LRRC4C: variants seen among roughly 807,000 people sequenced by gnomAD.
LRRC4C encodes the protein leucine-rich repeat-containing protein 4C.
A neutral mutation model predicts 33.6 loss-of-function variants in LRRC4C; 5 were observed. That is an observed-to-expected ratio of 0.15 (90% CI 0.08 to 0.31). The LOEUF (loss-of-function observed/expected upper bound fraction) is 0.31. Ranked by LOEUF, LRRC4C falls within the 10% of genes least tolerant of loss-of-function variation. The probability of loss-of-function intolerance (pLI) is 1.00; values close to 1 mark genes in which losing one functional copy is unlikely to be tolerated. For synonymous variants in LRRC4C, 329 were observed against 302.0 expected, an observed-to-expected ratio of 1.09 and a Z score of -0.93; for missense variants, 560 against 796.7, an observed-to-expected ratio of 0.70 and a Z score of 3.58.
chr11:40,145,401 G>T (rs1434431290), intron 5 of LRRC4C, among the ~76,000 whole-genome samples: 1 of 152,072 alleles, frequency 6.6e-6, no homozygotes, highest in African/African-American at 2.4e-5. Context: ...ATCCTTTTCA[G>T]CTTAGGTCTA....
At chr11:41,295,102 TA>T (rs2137035444) in intron 1 of LRRC4C, among the ~76,000 whole-genome samples, 1 of 152,306 alleles carries the variant, frequency 6.6e-6, no homozygotes, top group Non-Finnish European at 1.5e-5. Context: ...CATGAGAAAC[TA>T]ATTCAAAGAG....
At chr11:40,300,206 T>C (rs908373814) in intron 4 of LRRC4C, among the ~76,000 whole-genome samples, 1 of 152,158 alleles carries the variant, frequency 6.6e-6, no homozygotes. Flanking sequence ...AAACCATTCA[T>C]GAGAAATCTG....
intron 2 of LRRC4C, among the ~76,000 whole-genome samples, chr11:40,712,950 G>A (rs1322215514): frequency 6.6e-6 from 1 of 151,166 alleles, no homozygotes; most frequent in African/African-American, 2.4e-5. Context: ...GTGCAGTGGT[G>A]TGATCTTGGT....
At chr11:40,772,680 T>A (rs1336964607) in intron 2 of LRRC4C, among the ~76,000 whole-genome samples, 1 of 152,184 alleles carries the variant, frequency 6.6e-6, no homozygotes, top group African/African-American at 2.4e-5. Flanking sequence ...AAATGGCTTT[T>A]ATCCAAAACA....
At chr11:41,225,435 C>T (rs1947487359) in intron 1 of LRRC4C, among the ~76,000 whole-genome samples, 1 of 151,826 alleles carries the variant, frequency 6.6e-6, no homozygotes, top group Non-Finnish European at 1.5e-5. Flanking sequence ...TTCTATATGC[C>T]CACAAAAATT....
chr11:40,711,493 G>A (rs1223897366), intron 2 of LRRC4C, among the ~76,000 whole-genome samples: 1 of 152,100 alleles, frequency 6.6e-6, no homozygotes, highest in African/African-American at 2.4e-5. Context: ...TCAGGTTATG[G>A]TAGAGAGACT....
intron 1 of LRRC4C, among the ~76,000 whole-genome samples, chr11:41,354,373 A>C (rs1952086195): frequency 6.6e-6 from 1 of 152,182 alleles, no homozygotes; most frequent in East Asian, 1.9e-4. Context: ...GAAATCAGAG[A>C]TGACACAAAC....
chr11:40,185,708 G>A (rs1279898906), intron 5 of LRRC4C, among the ~76,000 whole-genome samples: 3 of 152,264 alleles, frequency 2.0e-5, no homozygotes, highest in Admixed American at 6.5e-5. Context: ...GAAAGAGCAC[G>A]AGAGGGGTGA....
At chr11:41,274,652 G>A (rs947277296) in intron 1 of LRRC4C, among the ~76,000 whole-genome samples, 4 of 152,010 alleles carry the variant, frequency 2.6e-5, no homozygotes, top group African/African-American at 9.7e-5. Flanking sequence ...ACAAATACGG[G>A]AATAAAAGCT....
chr11:40,772,401 A>G (rs1949795865), intron 2 of LRRC4C, among the ~76,000 whole-genome samples: 2 of 152,188 alleles, frequency 1.3e-5, no homozygotes, highest in Admixed American at 6.5e-5. Flanking sequence ...ACAATTCAAG[A>G]TGAGATTTGG....
intron 2 of LRRC4C, among the ~76,000 whole-genome samples, chr11:40,786,975 A>G (rs950915891): frequency 1.3e-5 from 2 of 152,132 alleles, no homozygotes; most frequent in Non-Finnish European, 2.9e-5. Context: ...AATCCTCAAT[A>G]TTTCTCTTAT....
At chr11:40,589,469 C>A (rs944512911) in intron 3 of LRRC4C, among the ~76,000 whole-genome samples, 2 of 151,682 alleles carry the variant, frequency 1.3e-5, no homozygotes, top group Non-Finnish European at 2.9e-5. Flanking sequence ...AGCATTTAGT[C>A]CATTTACATT....
At chr11:41,287,808 A>T (rs1949876468) in intron 1 of LRRC4C, among the ~76,000 whole-genome samples, 1 of 152,082 alleles carries the variant, frequency 6.6e-6, no homozygotes, top group Non-Finnish European at 1.5e-5. Context: ...ACATAAGTAA[A>T]TCTCCCCTGT....
At chr11:40,786,657 A>C (rs1362269957) in intron 2 of LRRC4C, among the ~76,000 whole-genome samples, 1 of 152,148 alleles carries the variant, frequency 6.6e-6, no homozygotes, top group Non-Finnish European at 1.5e-5. Flanking sequence ...TGGAGTAAAA[A>C]TTTCTTACTT....
intron 1 of LRRC4C, among the ~76,000 whole-genome samples, chr11:40,973,960 C>T (rs766177575): frequency 2.6e-5 from 4 of 152,024 alleles, no homozygotes; most frequent in Non-Finnish European, 4.4e-5. Flanking sequence ...TAAGTCACTA[C>T]CTGGAGGGCT....
At chr11:40,406,117 CTA>C in intron 3 of LRRC4C, among the ~76,000 whole-genome samples, 1 of 152,102 alleles carries the variant, frequency 6.6e-6, no homozygotes. Context: ...CAAATAGCCT[CTA>C]TATTTTCTAA....
chr11:41,040,319 A>T (rs1186282536), intron 1 of LRRC4C, among the ~76,000 whole-genome samples: 4 of 129,886 alleles, frequency 3.1e-5, no homozygotes, highest in South Asian at 2.5e-4. Flanking sequence ...ATGCATATTT[A>T]AAAAAATCAA....
intron 3 of LRRC4C, among the ~76,000 whole-genome samples, chr11:40,363,288 T>C (rs1948049523): frequency 6.6e-6 from 1 of 152,150 alleles, no homozygotes; most frequent in African/African-American, 2.4e-5. Context: ...CCATTATCCT[T>C]AGCAAACTAA....
chr11:40,639,733 C>T (rs753669985), intron 3 of LRRC4C, among the ~76,000 whole-genome samples: 2 of 152,076 alleles, frequency 1.3e-5, no homozygotes, highest in Non-Finnish European at 2.9e-5. Context: ...TTTACTGCAG[C>T]GATATTTCCC....
Sources: allele counts gnomAD v4.1 joint callset (sites outside exome capture counted in the v4.1 genomes callset), GRCh38; gene constraint gnomAD v4.1.1; transcripts MANE v1.5; gene names NCBI Gene and HGNC (gene_info 2026-07-23, HGNC 2026-07-21).